MARK3: variants seen among roughly 807,000 people sequenced by gnomAD.
MARK3 encodes the protein MAP/microtubule affinity-regulating kinase 3.
In MARK3, 46 loss-of-function variants were observed where a neutral mutation model predicts 90.1. The ratio of observed to expected loss-of-function variants is 0.51; its 90% CI spans 0.40 to 0.65. The LOEUF is 0.65. Ranked by LOEUF, MARK3 falls within the 30% of genes least tolerant of loss-of-function variation. The pLI is 0.00. For synonymous variants in MARK3, 321 were observed against 332.6 expected (o/e 0.97, Z 0.38); for missense variants, 818 against 947.2 (o/e 0.86, Z 1.79).
At chr14:103,451,528 A>G (rs1213349951) in intron 4 of MARK3, among the ~76,000 whole-genome samples, 1 of 152,202 alleles carries the variant, frequency 6.6e-6, no homozygotes, top group Non-Finnish European at 1.5e-5. Context: ...CTAGATTTGC[A>G]TTTGTTGGAG....
At chr14:103,454,208 T>C (rs1221677230) in intron 5 of MARK3, among the ~76,000 whole-genome samples, 1 of 151,994 alleles carries the variant, frequency 6.6e-6, no homozygotes, top group Non-Finnish European at 1.5e-5. Flanking sequence ...TGTAAGAGCC[T>C]TTAATCATTT....
At chr14:103,411,094 G>A (rs1448527816) in intron 2 of MARK3, among the ~76,000 whole-genome samples, 7 of 152,178 alleles carry the variant, frequency 4.6e-5, no homozygotes, top group Non-Finnish European at 8.8e-5. Flanking sequence ...ATAACACGGT[G>A]AAACCCTGTC....
chr14:103,486,648 T>G (rs1430608886), intron 14 of MARK3, among the ~76,000 whole-genome samples: 1 of 152,194 alleles, frequency 6.6e-6, no homozygotes, highest in African/African-American at 2.4e-5. Flanking sequence ...CTTGATGACC[T>G]TTTAGAATAT....
intron 3 of MARK3, among the ~76,000 whole-genome samples, chr14:103,446,710 CTTTTTTTTTT>C (rs746523547): frequency 0.018 from 1,799 of 98,056 alleles, 21 homozygotes; most frequent in South Asian, 0.045. Flanking sequence ...AGATTGTTGT[CTTTTTTTTTT>C]TTTTTTTTTT....
At chr14:103,481,757 CTTTTTTTTTTTTTTTT>C (rs71126030) in intron 14 of MARK3, among the ~76,000 whole-genome samples, 1 of 49,778 alleles carries the variant, frequency 2.0e-5, no homozygotes, top group East Asian at 7.5e-4. Context: ...ATAGGTATTT[CTTTTTTTTTTTTTTTT>C]TTTTTTTTTT....
At position 103,438,167 on chromosome 14, in the gene MARK3, A is replaced by AT. The variant is rs565188077; in HGVS notation, c.297+9734dup. The stretch of plus-strand genomic sequence containing the variant: ...AGGCACCCGCCACCACGCCCAGCTA[A>AT]TTTTTTTGTATTTTTAGTAGAGACA... On this transcript the variant is annotated intron_variant, in intron 3 of 17. Transcript: ENST00000429436. Among the ~76,000 whole-genome samples the AT allele has an allele frequency of 7.2e-5, 11 of 151,916 alleles. No homozygotes were observed. In the South Asian group the frequency reaches 1.7e-3, roughly 23 times the overall value.
chr14:103,402,844 AG>A (rs1370023899), intron 1 of MARK3, among the ~76,000 whole-genome samples: 2 of 152,176 alleles, frequency 1.3e-5, no homozygotes. Context: ...CATTGGCACT[AG>A]TAAAGTTTTG....
intron 14 of MARK3, among the ~76,000 whole-genome samples, chr14:103,489,104 A>G (rs965446419): frequency 1.3e-5 from 2 of 152,254 alleles, no homozygotes; most frequent in Non-Finnish European, 2.9e-5. Flanking sequence ...TGCATGAGCT[A>G]AAAACAGAAG....
chr14:103,475,085 C>T lies in MARK3; in HGVS notation c.1357C>T (p.Arg453Trp), dbSNP rs763549944. The change falls in exon 13 of 18, where the codon CGG becomes TGG. Residue 453 changes from arginine to tryptophan, a missense_variant. By Grantham distance (101) the Arg-to-Trp change is moderately radical. Around this residue, in one of 3 missense-constraint regions of MARK3, gnomAD observed 560 missense variants for 613.5 expected, o/e 0.91. Transcript: ENST00000429436. ...CCTCAAAGAAGATGGAATTTCCTCC[C>T]GGAAATCAAGTGGCAGTGCTGTTGG... ...SDLKEDGISSRKSSGSAVGGK... is the reference protein window; with the variant it reads ...SDLKEDGISSWKSSGSAVGGK... 7.4e-6 allele frequency: 12 copies of T among 1,613,962 alleles called. No individual in the cohort carries two copies. The highest frequency in any genetic ancestry group is 4.0e-5 in the African/African-American group (3 of 74,924).
intron 1 of MARK3, among the ~76,000 whole-genome samples, chr14:103,403,280 G>A (rs1465685004): frequency 6.6e-6 from 1 of 151,488 alleles, no homozygotes; most frequent in East Asian, 1.9e-4. Context: ...TGGGGATATG[G>A]ACTGCTTTAT....
At chr14:103,498,085 C>T (rs373956837) in intron 15 of MARK3, among the ~76,000 whole-genome samples, 20 of 151,964 alleles carry the variant, frequency 1.3e-4, no homozygotes, top group African/African-American at 3.9e-4. Context: ...GGCATGGTGG[C>T]GCGCGCCTGT....
At chr14:103,477,387 G>C (rs956816278) in intron 13 of MARK3, among the ~76,000 whole-genome samples, 13 of 152,042 alleles carry the variant, frequency 8.6e-5, no homozygotes, top group Non-Finnish European at 1.9e-4. Flanking sequence ...AGCTATTCGG[G>C]AGGCTGAGGC....
intron 4 of MARK3, among the ~76,000 whole-genome samples, chr14:103,449,562 A>T (rs1286693933): frequency 6.6e-6 from 1 of 152,180 alleles, no homozygotes; most frequent in African/African-American, 2.4e-5. Flanking sequence ...TTGTGATAGG[A>T]ATTATTTTAT....
At chr14:103,473,575 T>C (rs993536202) in intron 12 of MARK3, among the ~76,000 whole-genome samples, 2 of 152,216 alleles carry the variant, frequency 1.3e-5, no homozygotes, top group Non-Finnish European at 2.9e-5. Context: ...GTTTTATATG[T>C]TAAAATCACT....
chr14:103,420,715 C>G (rs1480327036), intron 2 of MARK3, among the ~76,000 whole-genome samples: 2 of 152,038 alleles, frequency 1.3e-5, no homozygotes, highest in Non-Finnish European at 1.5e-5. Flanking sequence ...GCAAATTTAC[C>G]TGTTCGAAAA....
At chr14:103,445,755 T>G (rs1006350888) in intron 3 of MARK3, among the ~76,000 whole-genome samples, 1 of 152,228 alleles carries the variant, frequency 6.6e-6, no homozygotes, top group Non-Finnish European at 1.5e-5. Flanking sequence ...TTTTTCCTGC[T>G]TTTTGGCTCT....
chr14:103,467,971 C>CTAGG (rs761049325), intron 11 of MARK3, 62 bp from the exon 12 acceptor site: 31 of 1,549,728 alleles, frequency 2.0e-5, no homozygotes, highest in Middle Eastern at 1.7e-4. Flanking sequence ...AAAAGTTTAA[C>CTAGG]TTCCTAATAA....
chr14:103,451,477 C>T (rs1226854847), intron 4 of MARK3, among the ~76,000 whole-genome samples: 2 of 152,306 alleles, frequency 1.3e-5, no homozygotes, highest in East Asian at 1.9e-4. Context: ...CAATAAAGGT[C>T]TCAAATAGAA....
intron 7 of MARK3, among the ~76,000 whole-genome samples, chr14:103,463,950 G>A (rs1459564984): frequency 2.6e-5 from 4 of 152,082 alleles, no homozygotes; most frequent in Non-Finnish European, 5.9e-5. Context: ...GAAACATACT[G>A]TGTCTCACAT....
Sources: gnomAD v4.1 joint callset for allele counts (sites outside exome capture counted in the v4.1 genomes callset) on GRCh38, gnomAD v4.1.1 for gene constraint, gnomAD v4.1.1 regional missense constraint, MANE v1.5 for transcripts, NCBI Gene and HGNC (gene_info 2026-07-23, HGNC 2026-07-21) for gene names.